The following UPF3A variants were observed in gnomAD, a reference collection of about 807,000 sequenced individuals.
UPF3A encodes the protein UPF3A regulator of nonsense mediated mRNA decay, also known as regulator of nonsense transcripts 3A.
UPF3A carries 42 observed loss-of-function variants against 53.5 expected under a neutral mutation model. The observed-to-expected ratio is 0.78, with a 90% CI of 0.61 to 1.01. The LOEUF (loss-of-function observed/expected upper bound fraction) is 1.01, where lower values mean the gene tolerates loss of function less well. Ranked by LOEUF, UPF3A falls within the 50% of genes least tolerant of loss-of-function variation. The probability of loss-of-function intolerance (pLI) is 0.00; values close to 1 mark genes in which losing one functional copy is unlikely to be tolerated. For missense variants in UPF3A, 575 were observed against 598.0 expected (o/e 0.96, Z 0.40); for synonymous variants, 237 against 225.3 (o/e 1.05, Z -0.47).
intron 2 of UPF3A, chr13:114,282,440 G>A (rs2084189008): frequency 1.0e-6 from 1 of 985,172 alleles, no homozygotes; most frequent in African/African-American, 1.7e-5. Flanking sequence ...GTCCGCGGAC[G>A]GGGCGCTGCG....
intron 7 of UPF3A, 129 bp from the exon 8 acceptor site, chr13:114,298,711 T>C: frequency 1.0e-6 from 1 of 974,402 alleles, no homozygotes; most frequent in South Asian, 2.9e-5. Flanking sequence ...TTTTTGGACC[T>C]TTAGCTTTAA....
intron 8 of UPF3A, among the ~76,000 whole-genome samples, chr13:114,301,307 C>CA (rs917116805): frequency 6.6e-6 from 1 of 151,614 alleles, no homozygotes; most frequent in Non-Finnish European, 1.5e-5. Flanking sequence ...TAAAAATACA[C>CA]AAAAAATTAG....
intron 5 of UPF3A, among the ~76,000 whole-genome samples, chr13:114,288,936 C>G (rs2085004889): frequency 6.6e-6 from 1 of 152,156 alleles, no homozygotes; most frequent in Admixed American, 6.5e-5. Flanking sequence ...CTGCCCCTCC[C>G]ATTTCCATCT....
At chr13:114,283,185 T>A in intron 3 of UPF3A, 10 of 319,916 alleles carry the variant, frequency 3.1e-5, no homozygotes, top group Admixed American at 1.0e-4. Flanking sequence ...TCGGCTGATT[T>A]AAAAAAAAAA....
chr13:114,295,231 G>C (rs1295246986), intron 7 of UPF3A, among the ~76,000 whole-genome samples: 1 of 152,252 alleles, frequency 6.6e-6, no homozygotes, highest in East Asian at 1.9e-4. Flanking sequence ...ACACACAGGC[G>C]AGGGCTGGGA....
intron 3 of UPF3A, chr13:114,283,866 C>A: frequency 1.0e-6 from 1 of 985,460 alleles, no homozygotes; most frequent in Non-Finnish European, 1.2e-6. Context: ...CCTCCCCAGC[C>A]ACCCTCTTCC....
intron 7 of UPF3A, among the ~76,000 whole-genome samples, chr13:114,292,966 G>A (rs1188040926): frequency 6.6e-6 from 1 of 151,672 alleles, no homozygotes; most frequent in African/African-American, 2.4e-5. Context: ...CAGCTACTCA[G>A]GAGGCTGAGG....
At chr13:114,287,097 C>T (rs1003248471) in intron 5 of UPF3A, 3 of 157,728 alleles carry the variant, frequency 1.9e-5, no homozygotes, top group South Asian at 1.8e-4. Flanking sequence ...AGCACAGAAT[C>T]GAGTTTAAAT....
chr13:114,290,699 A>G (rs2085184115), intron 5 of UPF3A, among the ~76,000 whole-genome samples: 1 of 150,976 alleles, frequency 6.6e-6, no homozygotes, highest in African/African-American at 2.4e-5. Context: ...CAGCAGCGCC[A>G]TATGGAGTCA....
chr13:114,293,111 G>C (rs1425935261), intron 7 of UPF3A, among the ~76,000 whole-genome samples: 1 of 150,120 alleles, frequency 6.7e-6, no homozygotes, highest in Non-Finnish European at 1.5e-5. Flanking sequence ...TGGCCGGGTG[G>C]GGTGGCTGAC....
Position 114,282,143 on chromosome 13 carries a change from A to G in UPF3A, c.314+16A>G. On this transcript the variant is annotated intron_variant, in intron 2 of 9. Transcript: ENST00000375299. ...CCGACCTGAGGTGAGGCCCGCCCCGAGGGGAGGAAGAGAGGGCGGAACCCA... is the reference window on the plus strand; with the variant it reads ...CCGACCTGAGGTGAGGCCCGCCCCGGGGGGAGGAAGAGAGGGCGGAACCCA... 2 of 1,540,594 alleles carry G rather than the reference A, an allele frequency of 1.3e-6. No individual in the cohort carries two copies. Among genetic ancestry groups the G allele is most frequent in the Non-Finnish European group, 1.8e-6 (2 of 1,141,306 alleles).
At chr13:114,289,670 CTG>C (rs1355042673) in intron 5 of UPF3A, among the ~76,000 whole-genome samples, 2 of 152,134 alleles carry the variant, frequency 1.3e-5, no homozygotes, top group Non-Finnish European at 2.9e-5. Context: ...GGCAAGGACT[CTG>C]GAGTTGTTGA....
chr13:114,303,116 A>G (rs1255181009), intron 9 of UPF3A, among the ~76,000 whole-genome samples: 1 of 152,046 alleles, frequency 6.6e-6, no homozygotes, highest in East Asian at 1.9e-4. Context: ...AAAAAGTTTC[A>G]GTGAAGTCAA....
rs2086960570 is a variant in UPF3A at position 114,305,802 on chromosome 13, TAAA to T, written c.*886_*888del. 1 of 152,220 alleles carries T rather than the reference TAAA, an allele frequency of 6.6e-6. No individual in the cohort carries two copies. The highest frequency in any genetic ancestry group is 6.5e-5 in the Admixed American group (1 of 15,286). 9.4% of individuals were successfully genotyped at this position (152,220 alleles called of 1,614,324 possible). On this transcript the variant is annotated 3_prime_UTR_variant, in exon 10 of 10. Transcript: ENST00000375299. ...ACCATTTATTAAATAAAAATTTTGT[TAAA>T]GAAGTACTGAAATATTCTTTGAATC...
chr13:114,295,857 A>C (rs2085933300), intron 7 of UPF3A, among the ~76,000 whole-genome samples: 1 of 152,098 alleles, frequency 6.6e-6, no homozygotes, highest in African/African-American at 2.4e-5. Context: ...AGACCTCGGG[A>C]ATCTGCAGTA....
chr13:114,300,754 G>T (rs1248434769), intron 8 of UPF3A, among the ~76,000 whole-genome samples: 1 of 152,048 alleles, frequency 6.6e-6, no homozygotes, highest in Non-Finnish European at 1.5e-5. Flanking sequence ...GGTCAGGCTG[G>T]TCTCGAACTC....
chr13:114,281,920 A>AGGGAGGGGC (rs1555366260), intron 1 of UPF3A, 74 bp downstream of exon 1: 13 of 414,092 alleles, frequency 3.1e-5, no homozygotes, highest in South Asian at 8.3e-5. Context: ...GAGGGAGGGG[A>AGGGAGGGGC]GGGAGGGGCG....
At chr13:114,288,491 G>C (rs552228608) in intron 5 of UPF3A, among the ~76,000 whole-genome samples, 1 of 152,232 alleles carries the variant, frequency 6.6e-6, no homozygotes, top group Non-Finnish European at 1.5e-5. Context: ...CACTGCAGGC[G>C]CAGAGTGCAG....
At chr13:114,287,928 T>A (rs1055066240) in intron 5 of UPF3A, among the ~76,000 whole-genome samples, 1 of 152,120 alleles carries the variant, frequency 6.6e-6, no homozygotes, top group Non-Finnish European at 1.5e-5. Context: ...TGCCTCAGCC[T>A]CCTGAGTAGC....
Sources: allele counts gnomAD v4.1 joint callset (sites outside exome capture counted in the v4.1 genomes callset), GRCh38; gene constraint gnomAD v4.1.1; transcripts MANE v1.5; gene names NCBI Gene and HGNC (gene_info 2026-07-23, HGNC 2026-07-21).